Variants in RAF1 observed in about 807,000 individuals in gnomAD.
RAF1 encodes the protein RAF proto-oncogene serine/threonine-protein kinase.
Under a neutral mutation model 81.1 loss-of-function variants are expected in RAF1, and 27 were observed. That is an observed-to-expected ratio of 0.33 (90% confidence interval 0.25 to 0.46). The LOEUF (loss-of-function observed/expected upper bound fraction) is 0.46, where lower values mean the gene tolerates loss of function less well. Ranked by LOEUF, RAF1 falls within the 20% of genes least tolerant of loss-of-function variation. RAF1 has a pLI of 1.00. For missense variants in RAF1, 598 were observed against 826.0 expected (o/e 0.72, Z 3.38); for synonymous variants, 298 against 294.0 (o/e 1.01, Z -0.14).
At chr3:12,592,357 C>G (rs2058542245) in intron 11 of RAF1, among the ~76,000 whole-genome samples, 1 of 152,148 alleles carries the variant, frequency 6.6e-6, no homozygotes. Flanking sequence ...AAGATGGTCC[C>G]TAGTAAAAAT....
intron 1 of RAF1, among the ~76,000 whole-genome samples, chr3:12,629,191 T>C (rs747330159): frequency 7.9e-5 from 12 of 152,232 alleles, no homozygotes; most frequent in Non-Finnish European, 1.8e-4. Flanking sequence ...TTAAAATTTA[T>C]GTAAATAATT....
chr3:12,634,153 CTTT>C (rs71063851), intron 1 of RAF1, among the ~76,000 whole-genome samples: 1 of 141,466 alleles, frequency 7.1e-6, no homozygotes, highest in African/African-American at 2.6e-5. Context: ...TCCTTTCTCT[CTTT>C]TTTTTTTTTT....
At chr3:12,638,953 T>C (rs1559473779) in intron 1 of RAF1, among the ~76,000 whole-genome samples, 1 of 152,184 alleles carries the variant, frequency 6.6e-6, no homozygotes, top group Non-Finnish European at 1.5e-5. Context: ...ATGGATTACG[T>C]TTATTGATTT....
intron 1 of RAF1, among the ~76,000 whole-genome samples, chr3:12,632,549 G>C (rs970740301): frequency 1.3e-5 from 2 of 152,182 alleles, no homozygotes; most frequent in Non-Finnish European, 2.9e-5. Context: ...ACCAACAACA[G>C]TGGGTATAAT....
rs763410514 is a variant in RAF1 at position 12,643,504 on chromosome 3, G to A, written c.-27+20309C>T. On this transcript the variant is annotated intron_variant, in intron 1 of 17. Coordinates refer to ENST00000442415, the MANE Select transcript of RAF1 (RefSeq NM_001354689.3). ...ACCTGTAATCCCAGCACTTTGAGAG[G>A]CTGGGGTGGGTGGATCACCTGAGGT... Among the ~76,000 whole-genome samples the A allele has an allele frequency of 2.6e-5, 4 of 152,252 alleles. No homozygotes were observed. The South Asian group carries it at 8.3e-4, about 32-fold the overall frequency.
intron 3 of RAF1, among the ~76,000 whole-genome samples, chr3:12,611,089 C>T (rs1010930210): frequency 6.6e-6 from 1 of 152,034 alleles, no homozygotes; most frequent in African/African-American, 2.4e-5. Context: ...TCTGAGTGCC[C>T]AGTCTATATA....
chr3:12,627,957 T>C (rs1575617502), intron 1 of RAF1, among the ~76,000 whole-genome samples: 1 of 152,172 alleles, frequency 6.6e-6, no homozygotes, highest in African/African-American at 2.4e-5. Flanking sequence ...CCGTCTCTAC[T>C]AAAAATACAA....
At chr3:12,586,269 CCTTA>C (rs1351581429) in intron 14 of RAF1, among the ~76,000 whole-genome samples, 1 of 152,140 alleles carries the variant, frequency 6.6e-6, no homozygotes, top group East Asian at 1.9e-4. Context: ...ATAGCAAATC[CCTTA>C]CTGAGTGTTC....
intron 13 of RAF1, chr3:12,588,288 G>A (rs1252871143): frequency 6.6e-6 from 1 of 152,176 alleles, no homozygotes; most frequent in Non-Finnish European, 1.5e-5. Context: ...AGGTCTAAGA[G>A]CCCAGGCACA....
At position 12,583,856 on chromosome 3, in the gene RAF1, G is replaced by A. The variant is rs1426252782; in HGVS notation, c.*658C>T. 2 of 234,704 alleles carry A rather than the reference G, an allele frequency of 8.5e-6. No homozygotes were observed. Among genetic ancestry groups the A allele is most frequent in the Non-Finnish European group, 1.7e-5 (2 of 118,862 alleles). 14.5% of individuals were successfully genotyped at this position (234,704 alleles called of 1,614,324 possible). On this transcript the variant is annotated 3_prime_UTR_variant, in exon 18 of 18. Transcript: ENST00000442415. The stretch of plus-strand genomic sequence containing the variant: ...CCTGGAAGACAAAATTCAGCATGAT[G>A]GAAGACTGCTCCCTGAGAGGGCTGA...
intron 1 of RAF1, among the ~76,000 whole-genome samples, chr3:12,646,193 T>C (rs1007891317): frequency 1.3e-5 from 2 of 152,166 alleles, no homozygotes; most frequent in Non-Finnish European, 2.9e-5. Context: ...AGGCTGGAAG[T>C]GCAGTAGCTT....
chr3:12,619,469 C>CA (rs2059484785), intron 1 of RAF1, among the ~76,000 whole-genome samples: 1 of 150,682 alleles, frequency 6.6e-6, no homozygotes, highest in Non-Finnish European at 1.5e-5. Context: ...GAGGCTGAGG[C>CA]AGGAGAAATC....
chr3:12,633,571 C>T (rs1164269486), intron 1 of RAF1, among the ~76,000 whole-genome samples: 7 of 150,340 alleles, frequency 4.7e-5, no homozygotes, highest in Non-Finnish European at 7.4e-5. Flanking sequence ...AATAGCCTAT[C>T]GAATGCCTAA....
intron 1 of RAF1, among the ~76,000 whole-genome samples, chr3:12,657,679 G>A (rs1324792017): frequency 5.3e-5 from 8 of 151,878 alleles, no homozygotes; most frequent in Admixed American, 4.6e-4. Context: ...GCTGAGGCAG[G>A]AGAATCGCTT....
chr3:12,639,354 G>A (rs1455036671), intron 1 of RAF1, among the ~76,000 whole-genome samples: 1 of 152,142 alleles, frequency 6.6e-6, no homozygotes, highest in Non-Finnish European at 1.5e-5. Context: ...TTAACATAGT[G>A]TCGGAAGTTC....
rs1348171663 is a variant in RAF1, at chr3:12,585,106, A to G, written c.1728+16T>C. On this transcript the variant is annotated intron_variant, in intron 16 of 17. Coordinates refer to ENST00000442415, the MANE Select transcript of RAF1 (RefSeq NM_001354689.3). ...GCTCCCACGAGTTGGGTCCTTTCGC[A>G]CCAGCACAGACTTACCTGATCTCGG... 6.2e-7 allele frequency: 1 copy of G among 1,614,002 alleles called. No homozygotes were observed. The highest frequency in any genetic ancestry group is 1.7e-5 in the Admixed American group (1 of 59,994).
At chr3:12,642,080 A>T (rs1367562376) in intron 1 of RAF1, among the ~76,000 whole-genome samples, 1 of 152,070 alleles carries the variant, frequency 6.6e-6, no homozygotes, top group African/African-American at 2.4e-5. Context: ...CCCAGGAGGC[A>T]GTGGTTGCAG....
intron 17 of RAF1, 70 bp from the exon 17 acceptor site, chr3:12,584,727 C>A (rs1366974298): frequency 8.1e-6 from 13 of 1,613,082 alleles, no homozygotes; most frequent in Non-Finnish European, 9.3e-6. Context: ...TGCCCCCCAC[C>A]ATCTTGTAGA....
Position 12,600,272 on chromosome 3 carries a change from A to G in RAF1, c.930T>C (p.Pro310=), listed in dbSNP as rs781125305. 3.7e-6 allele frequency: 6 copies of G among 1,614,110 alleles called. No individual in the cohort carries two copies. In the African/African-American group the frequency reaches 8.0e-5, roughly 22 times the overall value. ...TGTTGGGGCTACTGGACAGGGCTGA[A>G]GGTGAGGCTTAATAGACAAGACAAA... Residue 310 remains proline, a synonymous_variant, in exon 10 of 18, where the codon CCT becomes CCC. Transcript: ENST00000442415.
Sources: allele counts gnomAD v4.1 joint callset (sites outside exome capture counted in the v4.1 genomes callset), GRCh38; gene constraint gnomAD v4.1.1; transcripts MANE v1.5; gene names NCBI Gene and HGNC (gene_info 2026-07-23, HGNC 2026-07-21).